Variants in TP63 observed in about 807,000 individuals in gnomAD.
The protein encoded by TP63 is tumor protein 63.
In TP63, 17 loss-of-function variants were observed where a neutral mutation model predicts 82.8. That is an observed-to-expected ratio of 0.21 (90% CI 0.14 to 0.31). TP63 has a LOEUF of 0.31. Ranked by LOEUF, TP63 falls within the 10% of genes least tolerant of loss-of-function variation. The pLI, the probability that TP63 is intolerant of heterozygous loss-of-function variation, is 1.00. For synonymous variants in TP63, 330 were observed against 321.7 expected, an observed-to-expected ratio of 1.03 and a Z score of -0.28; for missense variants, 648 against 895.3, an observed-to-expected ratio of 0.72 and a Z score of 3.52.
At chr3:189,603,650 T>TAA in the TP63 span, among the ~76,000 whole-genome samples, 3 of 50,786 alleles carry the variant, frequency 5.9e-5, no homozygotes, top group Admixed American at 2.9e-4. Context: ...TTGCCTTCAT[T>TAA]AAAAAAAAAA....
At chr3:189,718,510 C>T (rs1258836916) in intron 1 of TP63, among the ~76,000 whole-genome samples, 1 of 149,640 alleles carries the variant, frequency 6.7e-6, no homozygotes, top group Non-Finnish European at 1.5e-5. Flanking sequence ...ATGAGAATGG[C>T]ATGGGGGAAA....
At chr3:189,599,071 C>A in the TP63 span, among the ~76,000 whole-genome samples, 1 of 152,182 alleles carries the variant, frequency 6.6e-6, no homozygotes, top group Admixed American at 6.5e-5. Flanking sequence ...TCTTCTCAGA[C>A]CTTTTTTTCA....
rs6807129 is a variant in TP63 at position 189,867,101 on chromosome 3, G to A, written c.882+304G>A. On this transcript the variant is annotated intron_variant, in intron 6 of 13. Coordinates refer to ENST00000264731, the MANE Select transcript of TP63 (RefSeq NM_003722.5). ...ATGAGATTGTTTTATCCAACTGGCAGTTGGACGGGTAGTGGATAAGCAATA... is the reference window on the plus strand; with the variant it reads ...ATGAGATTGTTTTATCCAACTGGCAATTGGACGGGTAGTGGATAAGCAATA... Among the ~76,000 whole-genome samples, 134,361 of 152,178 alleles carry A rather than the reference G, an allele frequency of 0.88. 59,633 individuals carry two copies. Among genetic ancestry groups the A allele is most frequent in the African/African-American group, 0.97 (40,400 of 41,526 alleles).
At chr3:189,850,316 A>C (rs1392308414) in intron 4 of TP63, among the ~76,000 whole-genome samples, 1 of 152,092 alleles carries the variant, frequency 6.6e-6, no homozygotes, top group Non-Finnish European at 1.5e-5. Flanking sequence ...CCACCAAAAA[A>C]AGAATTATTT....
chr3:189,861,596 TCA>T (rs1560270575), intron 4 of TP63, among the ~76,000 whole-genome samples: 25 of 152,306 alleles, frequency 1.6e-4, no homozygotes, highest in East Asian at 5.8e-4. Context: ...CAAAGTTTTT[TCA>T]ACTCTATCAC....
chr3:189,801,995 T>C (rs561679105), intron 3 of TP63, among the ~76,000 whole-genome samples: 1 of 152,354 alleles, frequency 6.6e-6, no homozygotes, highest in Non-Finnish European at 1.5e-5. Context: ...GTGTTTTAAC[T>C]TGACGTTTGA....
At chr3:189,686,596 A>T (rs918267761) in intron 1 of TP63, among the ~76,000 whole-genome samples, 1 of 151,840 alleles carries the variant, frequency 6.6e-6, no homozygotes, top group South Asian at 2.1e-4. Flanking sequence ...AAGAATAAAT[A>T]AATAAATAAA....
At chr3:189,635,209 T>A (rs1193574036) in intron 1 of TP63, among the ~76,000 whole-genome samples, 1 of 152,088 alleles carries the variant, frequency 6.6e-6, no homozygotes, top group African/African-American at 2.4e-5. Context: ...TAATATGAAG[T>A]GTGTTTTTTG....
intron 3 of TP63, chr3:189,789,607 C>T (rs1280715888): frequency 3.9e-6 from 5 of 1,290,394 alleles, no homozygotes; most frequent in Non-Finnish European, 4.9e-6. Context: ...AGAAGAGTCC[C>T]GCCTCCTCAT....
At position 189,872,944 on chromosome 3, in the gene TP63, A is replaced by G; in HGVS notation, c.1298A>G (p.Glu433Gly). The G allele has an allele frequency of 6.2e-7, 1 of 1,614,170 alleles. No individual in the cohort carries two copies. Among genetic ancestry groups the G allele is most frequent in the Non-Finnish European group, 8.5e-7 (1 of 1,180,016 alleles). Residue 433 changes from glutamate (E) to glycine (G), a missense_variant, in exon 10 of 14, where the codon GAA becomes GGA. Glu to Gly is a moderately conservative substitution (Grantham distance 98, BLOSUM62 -2). Coordinates refer to ENST00000264731, the MANE Select transcript of TP63 (RefSeq NM_003722.5). The stretch of plus-strand genomic sequence containing the variant: ...CAGTACCTTCCTCAGCACACAATTG[A>G]AACGTACAGGCAACAGCAACAGCAG... ...LMQYLPQHTI[E>G]TYRQQQQQQH...
At chr3:189,682,550 AAAAAT>A (rs1313235302) in intron 1 of TP63, among the ~76,000 whole-genome samples, 1 of 45,218 alleles carries the variant, frequency 2.2e-5, no homozygotes, top group African/African-American at 9.1e-5. Context: ...AAAAAAAAAA[AAAAAT>A]ATATATATAT....
intron 13 of TP63, among the ~76,000 whole-genome samples, 155 bp from the exon 14 acceptor site, chr3:189,894,051 T>G (rs915910682): frequency 2.0e-5 from 3 of 152,190 alleles, no homozygotes; most frequent in African/African-American, 7.2e-5. Flanking sequence ...TCCATAGAGT[T>G]GAAGACTCAG....
At chr3:189,880,732 G>C (rs1490647905) in intron 10 of TP63, 2 of 985,332 alleles carry the variant, frequency 2.0e-6, no homozygotes, top group East Asian at 2.3e-4. Flanking sequence ...CAAGTGTACT[G>C]CTGGGCAGCG....
At chr3:189,691,712 G>C (rs928433079) in intron 1 of TP63, among the ~76,000 whole-genome samples, 1 of 152,122 alleles carries the variant, frequency 6.6e-6, no homozygotes, top group Non-Finnish European at 1.5e-5. Context: ...AGCTGTGTAA[G>C]AGTCTATACT....
At chr3:189,597,754 G>C in the TP63 span, among the ~76,000 whole-genome samples, 13 of 152,072 alleles carry the variant, frequency 8.5e-5, no homozygotes, top group African/African-American at 2.7e-4. Flanking sequence ...GTGAAACCCC[G>C]TCTATACTAA....
chr3:189,881,644 T>G (rs534180097), intron 10 of TP63: 1 of 626,412 alleles, frequency 1.6e-6, no homozygotes, highest in African/African-American at 2.0e-5. Context: ...ACATTTCTTC[T>G]GTCAGTATTT....
chr3:189,757,947 T>A (rs1722308900), intron 3 of TP63, among the ~76,000 whole-genome samples: 1 of 152,154 alleles, frequency 6.6e-6, no homozygotes, highest in Non-Finnish European at 1.5e-5. Flanking sequence ...GGCTCAAGCA[T>A]GTGTACTAAG....
chr3:189,869,272 T>G, intron 8 of TP63, 52 bp from the exon 9 acceptor site: 1 of 1,349,148 alleles, frequency 7.4e-7, no homozygotes, highest in Non-Finnish European at 1.1e-6. Context: ...TTAATATGCA[T>G]TAGTGCTTTA....
intron 10 of TP63, among the ~76,000 whole-genome samples, chr3:189,874,722 A>G (rs1466789653): frequency 6.6e-6 from 1 of 152,214 alleles, no homozygotes; most frequent in African/African-American, 2.4e-5. Flanking sequence ...GGAAATATAT[A>G]CTAACATATT....
Sources: allele counts gnomAD v4.1 joint callset (sites outside exome capture counted in the v4.1 genomes callset), GRCh38; gene constraint gnomAD v4.1.1; transcripts MANE v1.5; gene names NCBI Gene and HGNC (gene_info 2026-07-23, HGNC 2026-07-21).